ELFN1: variants seen among roughly 807,000 people sequenced by gnomAD.
The protein encoded by ELFN1 is extracellular leucine rich repeat and fibronectin type III domain containing 1.
A neutral mutation model predicts 7.6 loss-of-function variants in ELFN1; 6 were observed. That is an observed-to-expected ratio of 0.79 (90% CI 0.43 to 1.56). ELFN1 has a LOEUF of 1.56. ELFN1 is among the 40% of genes most tolerant of loss of function. ELFN1 has a pLI of 0.01. For missense variants in ELFN1, 1,169 were observed against 1,232.2 expected (o/e 0.95, Z 0.77); for synonymous variants, 657 against 588.1 (o/e 1.12, Z -1.70).
upstream of ELFN1, among the ~76,000 whole-genome samples, chr7:1,666,469 C>T (rs1015735154): frequency 3.9e-5 from 6 of 151,950 alleles, no homozygotes; most frequent in Non-Finnish European, 8.8e-5. The surrounding 1 kb of genome is among the most constrained non-coding windows in gnomAD (Gnocchi z 7.9). Flanking sequence ...GGTTCGGAGG[C>T]GGGCGCACCC....
intron 1 of ELFN1, among the ~76,000 whole-genome samples, chr7:1,684,399 A>T (rs1043546272): frequency 2.0e-5 from 3 of 152,124 alleles, no homozygotes; most frequent in African/African-American, 7.2e-5. Flanking sequence ...TCAGCCATTG[A>T]TCATATTGCT....
chr7:1,746,525 C>T lies in ELFN1; in HGVS notation c.1929C>T (p.Ser643=), dbSNP rs766015889. The part of the protein sequence containing the change: ...AGPPRASTSS[S]GSVRSPRAFR... ...CCCCTCGTGCCAGCACCTCGTCCAG[C>T]GGCTCCGTGCGCAGCCCCCGCGCCT... Residue 643 remains serine, a synonymous_variant, in exon 4 of 4, where the codon AGC becomes AGT. Transcript: ENST00000424383. 1.7e-4 allele frequency: 252 copies of T among 1,447,460 alleles called. 1 individual carries two copies. Among genetic ancestry groups the T allele is most frequent in the Middle Eastern group, 8.3e-4 (4 of 4,812 alleles). 89.7% of individuals were successfully genotyped at this position (1,447,460 alleles called of 1,614,324 possible).
At chr7:1,721,394 C>A (rs1367028015) in intron 3 of ELFN1, among the ~76,000 whole-genome samples, 1 of 152,194 alleles carries the variant, frequency 6.6e-6, no homozygotes, top group Non-Finnish European at 1.5e-5. Context: ...ATATTGGGAG[C>A]GTCTCTTGAT....
chr7:1,716,372 T>G (rs557169013), intron 3 of ELFN1, among the ~76,000 whole-genome samples: 105 of 152,316 alleles, frequency 6.9e-4, no homozygotes, highest in African/African-American at 2.4e-3. Context: ...TCTGAAGCCC[T>G]CTTGGGGCCC....
At chr7:1,678,495 TA>T (rs1778915533) in intron 1 of ELFN1, among the ~76,000 whole-genome samples, 1 of 152,122 alleles carries the variant, frequency 6.6e-6, no homozygotes, top group South Asian at 2.1e-4. Flanking sequence ...AGTGGGGAAG[TA>T]ACATGGTCCA....
intron 2 of ELFN1, among the ~76,000 whole-genome samples, chr7:1,698,341 C>T (rs1201570376): frequency 1.3e-5 from 2 of 152,338 alleles, no homozygotes; most frequent in Middle Eastern, 3.4e-3. Context: ...TCTTTTCCTG[C>T]GTTGCACCCT....
rs1583408533 is a variant in ELFN1 at position 1,744,961 on chromosome 7, A to G, written c.365A>G (p.Asn122Ser). 2 of 1,551,208 alleles carry G rather than the reference A, an allele frequency of 1.3e-6. No homozygotes were observed. Among genetic ancestry groups the G allele is most frequent in the Non-Finnish European group, 1.7e-6 (2 of 1,147,004 alleles). ...CAGCTGGGCTACAACCGGCTGCGCA[A>G]CCTCACGGAGGGCATGCTGCGCGGC... Reference protein sequence around the residue: ...VLQLGYNRLRNLTEGMLRGLG... With the variant: ...VLQLGYNRLRSLTEGMLRGLG... Residue 122 changes from asparagine to serine, a missense_variant, in exon 4 of 4, where the codon AAC (asparagine) becomes AGC (serine). Transcript: ENST00000424383.
chr7:1,669,044 G>T (rs889364503), upstream of ELFN1, among the ~76,000 whole-genome samples: 6 of 152,206 alleles, frequency 3.9e-5, no homozygotes, highest in African/African-American at 1.4e-4. Context: ...TGGGGGCCTG[G>T]GAGCCAAGGC....
intron 1 of ELFN1, among the ~76,000 whole-genome samples, chr7:1,678,284 G>A (rs532904628): frequency 6.6e-6 from 1 of 152,254 alleles, no homozygotes; most frequent in Admixed American, 6.5e-5. Context: ...GTGCCAACAT[G>A]GGACTTCAGC....
Position 1,745,527 on chromosome 7 carries a change from A to T in ELFN1, c.931A>T (p.Thr311Ser). Residue 311 changes from threonine (T) to serine (S), a missense_variant, in exon 4 of 4, where the codon ACG becomes TCG. This residue lies in a region of ELFN1 where 914 missense variants were observed against 872.6 expected (regional missense o/e 1.05). Coordinates refer to ENST00000424383, the MANE Select transcript of ELFN1 (RefSeq NM_001128636.4). ...ACTGGTGGCCCTGCCCACGCTGGCC[A>T]CGCAGGCCGAGGCCCGCCCCCTCAT... ...TPLVALPTLA[T>S]QAEARPLIKV... 6.5e-7 allele frequency: 1 copy of T among 1,547,188 alleles called. No homozygotes were observed. Among genetic ancestry groups the T allele is most frequent in the South Asian group, 1.2e-5 (1 of 84,062 alleles).
chr7:1,745,013 G>T lies in ELFN1; in HGVS notation c.417G>T (p.Leu139=), dbSNP rs979125513. The T allele has an allele frequency of 1.2e-5, 19 of 1,551,004 alleles. No individual in the cohort carries two copies. The highest frequency in any genetic ancestry group is 2.0e-5 in the Admixed American group (1 of 50,992). Residue 139 remains leucine, a synonymous_variant, in exon 4 of 4, where the codon CTG becomes CTT. Transcript: ENST00000424383. The part of the protein sequence containing the change: ...RGLGKLEYLY[L]QANLIEVVMA... The stretch of plus-strand genomic sequence containing the variant: ...TGGGCAAGCTGGAGTACCTGTACCT[G>T]CAGGCCAACCTCATCGAGGTGGTCA...
Position 1,745,583 on chromosome 7 carries a change from C to T in ELFN1, c.987C>T (p.Ala329=). ...IKVKQLTQNS[A]TITVQLPSPF... ...TCAAGCAGCTCACTCAGAACTCGGC[C>T]ACCATCACCGTCCAGCTGCCCAGCC... Residue 329 remains alanine (A), a synonymous_variant, in exon 4 of 4, where the codon GCC becomes GCT. Coordinates refer to ENST00000424383, the MANE Select transcript of ELFN1 (RefSeq NM_001128636.4). 1 of 1,550,790 alleles carries T rather than the reference C, an allele frequency of 6.4e-7. No individual in the cohort carries two copies. The highest frequency in any genetic ancestry group is 8.7e-7 in the Non-Finnish European group (1 of 1,146,966).
rs578052851 is a variant in ELFN1, at chr7:1,717,929, G to A, written c.-294+8677G>A. Among the ~76,000 whole-genome samples the A allele has an allele frequency of 2.0e-5, 3 of 152,302 alleles. No individual in the cohort carries two copies. In the East Asian group the frequency reaches 5.8e-4, roughly 29 times the overall value. On this transcript the variant is annotated intron_variant, in intron 3 of 3. Transcript: ENST00000424383. ...TCCCTTGTAATCTGCTCCTCTGAGCGAGAAGCCTCTCATCTGTATTAGGTA... is the reference window on the plus strand; with the variant it reads ...TCCCTTGTAATCTGCTCCTCTGAGCAAGAAGCCTCTCATCTGTATTAGGTA...
At chr7:1,736,369 C>T (rs1780441691) in intron 3 of ELFN1, among the ~76,000 whole-genome samples, 1 of 152,222 alleles carries the variant, frequency 6.6e-6, no homozygotes, top group African/African-American at 2.4e-5. Context: ...CCCGGCCCCA[C>T]ACCAGCCCTG....
At chr7:1,708,060 C>T (rs1039467917) in intron 2 of ELFN1, among the ~76,000 whole-genome samples, 1 of 152,214 alleles carries the variant, frequency 6.6e-6, no homozygotes, top group Non-Finnish European at 1.5e-5. Flanking sequence ...CTAGAACCCC[C>T]CTTTGTCTTG....
chr7:1,681,302 C>T (rs1259134014), intron 1 of ELFN1, among the ~76,000 whole-genome samples: 1 of 152,166 alleles, frequency 6.6e-6, no homozygotes, highest in Non-Finnish European at 1.5e-5. Context: ...CCGCTGTGAA[C>T]ATTCGTGCAC....
chr7:1,715,668 T>C (rs1779808828), intron 3 of ELFN1, among the ~76,000 whole-genome samples: 1 of 152,104 alleles, frequency 6.6e-6, no homozygotes, highest in African/African-American at 2.4e-5. Flanking sequence ...CTCCTGTAAT[T>C]TACATCCTGT....
At chr7:1,721,222 T>C (rs554890302) in intron 3 of ELFN1, among the ~76,000 whole-genome samples, 4 of 152,310 alleles carry the variant, frequency 2.6e-5, no homozygotes, top group Non-Finnish European at 5.9e-5. Flanking sequence ...GGCTGATCAC[T>C]CACTCACCCT....
intron 2 of ELFN1, chr7:1,692,964 C>T (rs983992263): frequency 4.1e-6 from 1 of 242,198 alleles, no homozygotes; most frequent in South Asian, 6.4e-5. Context: ...CCTGGGCCTG[C>T]GCCACGCTCT....
Sources: allele counts gnomAD v4.1 joint callset (sites outside exome capture counted in the v4.1 genomes callset), GRCh38; gene constraint gnomAD v4.1.1; regional missense constraint gnomAD v4.1.1; non-coding constraint Gnocchi (gnomAD v3.1); transcripts MANE v1.5; gene names NCBI Gene and HGNC (gene_info 2026-07-23, HGNC 2026-07-21).